Variants in SDK2 observed in about 807,000 individuals in gnomAD.
The protein encoded by SDK2 is sidekick cell adhesion molecule 2, also known as protein sidekick-2.
A neutral mutation model predicts 253.9 loss-of-function variants in SDK2; 105 were observed. That is an observed-to-expected ratio of 0.41 (90% CI 0.35 to 0.49). The LOEUF (loss-of-function observed/expected upper bound fraction) is 0.49, where lower values mean the gene tolerates loss of function less well. Ranked by LOEUF, SDK2 falls within the 20% of genes least tolerant of loss-of-function variation. SDK2 has a pLI of 0.06. For synonymous variants in SDK2, 1,249 were observed against 1,234.9 expected (o/e 1.01, Z -0.24); for missense variants, 2,608 against 3,003.0 (o/e 0.87, Z 3.07).
intron 38 of SDK2, among the ~76,000 whole-genome samples, chr17:73,363,220 C>T (rs1418747213): frequency 6.6e-6 from 1 of 152,184 alleles, no homozygotes; most frequent in Non-Finnish European, 1.5e-5. Flanking sequence ...AGTAGGCGTC[C>T]ACTACCACAC....
Position 73,365,516 on chromosome 17 carries a change from G to A in SDK2, c.5168-121C>T, listed in dbSNP as rs756741853. The A allele has an allele frequency of 2.9e-4, 306 of 1,046,890 alleles. 1 individual carries two copies. The highest frequency in any genetic ancestry group is 3.8e-4 in the Non-Finnish European group (288 of 762,690). 64.9% of individuals were successfully genotyped at this position (1,046,890 alleles called of 1,614,324 possible). ...AGCCCGGGAGGAACAAGAGCGTGGG[G>A]CTCGGCAGAAAGGGCGGGCAGGAGG... On this transcript the variant is annotated intron_variant, in intron 37 of 44. Transcript: ENST00000392650.
At chr17:73,611,295 C>T (rs2045971559) in intron 1 of SDK2, among the ~76,000 whole-genome samples, 1 of 152,222 alleles carries the variant, frequency 6.6e-6, no homozygotes, top group African/African-American at 2.4e-5. Flanking sequence ...GCTCTGTCCT[C>T]TCCTTTCCTG....
intron 1 of SDK2, among the ~76,000 whole-genome samples, chr17:73,632,733 T>C (rs1042838303): frequency 6.6e-6 from 1 of 152,220 alleles, no homozygotes; most frequent in Non-Finnish European, 1.5e-5. Flanking sequence ...CCAACTGCTT[T>C]AGAAAACAGC....
intron 36 of SDK2, among the ~76,000 whole-genome samples, chr17:73,372,361 C>T (rs2062741203): frequency 6.6e-6 from 1 of 152,210 alleles, no homozygotes; most frequent in South Asian, 2.1e-4. Context: ...AGCGGGCAGG[C>T]ATCTCGGTCC....
In SDK2 at chr17:73,388,158, C is replaced by T. The variant is rs2062890463; in HGVS notation, c.4193-121G>A. The T allele has an allele frequency of 5.7e-6, 4 of 697,962 alleles. No homozygotes were observed. The South Asian group carries it at 7.0e-5, about 12-fold the overall frequency. 43.2% of individuals were successfully genotyped at this position (697,962 alleles called of 1,614,324 possible). A position where few individuals can be genotyped will look rare whatever the true frequency, so the allele number is the denominator to read the frequency against. ...TCAGGCCTGGCATCCCCTTCCCATC[C>T]CAATTCCATGCACGCAGGATCCTTG... On this transcript the variant is annotated intron_variant, in intron 29 of 44. Coordinates refer to ENST00000392650, the MANE Select transcript of SDK2 (RefSeq NM_001144952.2).
chr17:73,433,167 C>T (rs574882275), intron 10 of SDK2, among the ~76,000 whole-genome samples: 3 of 152,138 alleles, frequency 2.0e-5, no homozygotes, highest in Non-Finnish European at 4.4e-5. Flanking sequence ...ATATTATTGT[C>T]ACCAGTTTAC....
intron 39 of SDK2, among the ~76,000 whole-genome samples, chr17:73,359,550 C>T (rs1053402925): frequency 3.3e-5 from 5 of 152,208 alleles, no homozygotes; most frequent in African/African-American, 9.6e-5. Flanking sequence ...GCACCTTCTC[C>T]GGGGCCAGGA....
At chr17:73,469,345 G>A (rs564899066) in intron 3 of SDK2, among the ~76,000 whole-genome samples, 4 of 152,280 alleles carry the variant, frequency 2.6e-5, no homozygotes, top group South Asian at 2.1e-4. Flanking sequence ...CTTGGAACCC[G>A]CAGTGTGGGG....
intron 1 of SDK2, among the ~76,000 whole-genome samples, chr17:73,545,119 A>G (rs2044939233): frequency 6.6e-6 from 1 of 151,748 alleles, no homozygotes; most frequent in Admixed American, 6.6e-5. Flanking sequence ...ACACACACAC[A>G]CACACACAAA....
chr17:73,551,217 G>A (rs2145836937), intron 1 of SDK2, among the ~76,000 whole-genome samples: 1 of 152,282 alleles, frequency 6.6e-6, no homozygotes, highest in Middle Eastern at 3.4e-3. Context: ...TTGGGTGATG[G>A]CGGCCGGCTC....
intron 12 of SDK2, 125 bp from the exon 13 acceptor site, chr17:73,424,217 CA>C: frequency 1.3e-6 from 1 of 740,862 alleles, no homozygotes; most frequent in South Asian, 1.8e-5. Context: ...AGGCAACAGC[CA>C]GGCAGGACAC....
rs1276226985 is a variant in SDK2, at chr17:73,541,704, G to C, written c.65-34107C>G. ...AAAATGAGTTTGCCCAGAATGCACA[G>C]CGGCAGAAGGAAGGGGGCGCGGGGC... On this transcript the variant is annotated intron_variant, in intron 1 of 44. Transcript: ENST00000392650. The surrounding 1 kb of genome is among the most constrained non-coding windows in gnomAD (Gnocchi z 4.3). Among the ~76,000 whole-genome samples, 1 of 152,224 alleles carries C rather than the reference G, an allele frequency of 6.6e-6. No individual in the cohort carries two copies. Among genetic ancestry groups the C allele is most frequent in the Non-Finnish European group, 1.5e-5 (1 of 68,032 alleles).
intron 41 of SDK2, among the ~76,000 whole-genome samples, chr17:73,351,889 T>G (rs2062541971): frequency 6.6e-6 from 1 of 151,952 alleles, no homozygotes; most frequent in African/African-American, 2.4e-5. Context: ...CTTTGAGTTG[T>G]GCTTCTGCTT....
intron 26 of SDK2, 142 bp downstream of exon 26, chr17:73,394,067 C>A: frequency 1.9e-6 from 1 of 531,566 alleles, no homozygotes; most frequent in Non-Finnish European, 3.1e-6. Flanking sequence ...GCCATGGTGA[C>A]CATTGGCTAG....
intron 3 of SDK2, among the ~76,000 whole-genome samples, chr17:73,456,804 C>T (rs1223881189): frequency 6.6e-6 from 1 of 152,234 alleles, no homozygotes; most frequent in Admixed American, 6.5e-5. Context: ...GCCTGCCGGC[C>T]TGCCGGGGCG....
intron 37 of SDK2, 87 bp from the exon 38 acceptor site, chr17:73,365,482 TTGGGTC>T: frequency 1.4e-6 from 2 of 1,400,710 alleles, no homozygotes; most frequent in South Asian, 2.9e-5. Context: ...AGCGGGAGTA[TTGGGTC>T]TGAGCCCGGG....
intron 32 of SDK2, among the ~76,000 whole-genome samples, chr17:73,384,571 G>A (rs1053043891): frequency 6.6e-6 from 1 of 152,206 alleles, no homozygotes; most frequent in African/African-American, 2.4e-5. Context: ...CCGGCTTCGG[G>A]AGAAGGTGGA....
intron 1 of SDK2, among the ~76,000 whole-genome samples, chr17:73,594,938 GCA>G (rs779396175): frequency 1.3e-5 from 2 of 151,938 alleles, no homozygotes; most frequent in African/African-American, 2.4e-5. Flanking sequence ...CAGCACACGT[GCA>G]CACACACATA....
intron 40 of SDK2, among the ~76,000 whole-genome samples, chr17:73,355,174 A>ATATATATATATTTTTTTTTTTT: frequency 6.4e-5 from 3 of 47,230 alleles, no homozygotes; most frequent in Non-Finnish European, 1.0e-4. Context: ...ATATATATAT[A>ATATATATATATTTTTTTTTTTT]TTTTTTTTTT....
Sources: allele counts gnomAD v4.1 joint callset (sites outside exome capture counted in the v4.1 genomes callset), GRCh38; gene constraint gnomAD v4.1.1; non-coding constraint Gnocchi (gnomAD v3.1); transcripts MANE v1.5; gene names NCBI Gene and HGNC (gene_info 2026-07-23, HGNC 2026-07-21).